The following ATP2C2 variants were observed in gnomAD, a reference collection of about 807,000 sequenced individuals.
The protein encoded by ATP2C2 is calcium-transporting ATPase type 2C member 2.
Under a neutral mutation model 110.8 loss-of-function variants are expected in ATP2C2, and 171 were observed. The observed-to-expected ratio is 1.54, with a 90% CI of 1.36 to 1.75. ATP2C2 has a LOEUF of 1.75. Among genes scored for constraint, ATP2C2 ranks in the 40% most tolerant of loss-of-function variants. The pLI, the probability that ATP2C2 is intolerant of heterozygous loss-of-function variation, is 0.00. For synonymous variants in ATP2C2, 804 were observed against 508.4 expected (o/e 1.58, Z -7.82); for missense variants, 1,963 against 1,235.0 (o/e 1.59, Z -8.84).
At chr16:84,445,984 C>G (rs1909712564) in intron 15 of ATP2C2, among the ~76,000 whole-genome samples, 1 of 152,212 alleles carries the variant, frequency 6.6e-6, no homozygotes. Flanking sequence ...GTTCTGGACG[C>G]AGGGCTGTCT....
chr16:84,399,595 A>G (rs1388801009), intron 2 of ATP2C2, among the ~76,000 whole-genome samples: 1 of 152,206 alleles, frequency 6.6e-6, no homozygotes, highest in African/African-American at 2.4e-5. Flanking sequence ...GTTGGGCACA[A>G]TATAATTGTT....
At chr16:84,436,006 G>A (rs1025099929) in intron 11 of ATP2C2, among the ~76,000 whole-genome samples, 4 of 152,260 alleles carry the variant, frequency 2.6e-5, no homozygotes, top group African/African-American at 9.6e-5. Flanking sequence ...GCACATGCCT[G>A]TAATTCCAGC....
intron 1 of ATP2C2, among the ~76,000 whole-genome samples, chr16:84,391,113 C>CAAAAAAAAAAAAAAA (rs567509863): frequency 2.7e-5 from 2 of 73,274 alleles, no homozygotes; most frequent in East Asian, 4.3e-4. Context: ...GACTCAGACT[C>CAAAAAAAAAAAAAAA]AAAAAAAAAA....
Position 84,415,540 on chromosome 16 carries a change from C to G in ATP2C2, c.573C>G (p.Val191=), listed in dbSNP as rs375031013. The G allele has an allele frequency of 6.2e-7, 1 of 1,614,148 alleles. No individual in the cohort carries two copies. Among genetic ancestry groups the G allele is most frequent in the South Asian group, 1.1e-5 (1 of 91,074 alleles). The part of the protein sequence containing the change: ...LLARELVPGD[V]VSLSIGDRIP... ...CTCGAGAACTGGTTCCTGGTGATGTCGTATCTCTCTCGATCGGAGACCGGA... is the reference window on the plus strand; with the variant it reads ...CTCGAGAACTGGTTCCTGGTGATGTGGTATCTCTCTCGATCGGAGACCGGA... Residue 191 remains valine, a synonymous_variant, in exon 7 of 27, where the codon GTC becomes GTG. Coordinates refer to ENST00000262429, the MANE Select transcript of ATP2C2 (RefSeq NM_014861.4).
chr16:84,422,383 C>T lies in ATP2C2; in HGVS notation c.625-7C>T, dbSNP rs757101778. 2.5e-6 allele frequency: 4 copies of T among 1,612,868 alleles called. No individual in the cohort carries two copies. The highest frequency in any genetic ancestry group is 2.7e-5 in the African/African-American group (2 of 74,816). On this transcript the variant is annotated splice_polypyrimidine_tract_variant and splice_region_variant and intron_variant, in intron 7 of 26. Transcript: ENST00000262429. The stretch of plus-strand genomic sequence containing the variant: ...GATTCCACAGCCTTTTCCCCTTGCT[C>T]TCCTAGGTCACGGACCTCTTGGTGG...
chr16:84,438,202 C>A (rs1292459262), intron 11 of ATP2C2, among the ~76,000 whole-genome samples: 1 of 152,206 alleles, frequency 6.6e-6, no homozygotes, highest in Non-Finnish European at 1.5e-5. Flanking sequence ...CAAGCCTGTA[C>A]AAAAGCAGAG....
intron 6 of ATP2C2, among the ~76,000 whole-genome samples, chr16:84,411,476 C>G (rs918995941): frequency 6.6e-6 from 1 of 152,186 alleles, no homozygotes; most frequent in Admixed American, 6.5e-5. Flanking sequence ...GAGTCTTGCT[C>G]TGTCGCCCAG....
At chr16:84,404,829 T>TTA in intron 2 of ATP2C2, 5 of 305,698 alleles carry the variant, frequency 1.6e-5, no homozygotes, top group South Asian at 2.8e-5. Context: ...TTTTTTTTTT[T>TTA]AAGAAGAAAA....
intron 1 of ATP2C2, among the ~76,000 whole-genome samples, chr16:84,380,855 G>A (rs1490706460): frequency 6.6e-6 from 1 of 152,140 alleles, no homozygotes; most frequent in Non-Finnish European, 1.5e-5. Context: ...ATTTTTATTA[G>A]CAATAATTAT....
At chr16:84,441,096 C>T (rs1909215358) in intron 14 of ATP2C2, 138 bp downstream of exon 14, 10 of 752,306 alleles carry the variant, frequency 1.3e-5, no homozygotes, top group Non-Finnish European at 2.0e-5. Flanking sequence ...GCTGGCACAG[C>T]ACTGAAAAAA....
intron 11 of ATP2C2, among the ~76,000 whole-genome samples, chr16:84,428,129 G>A (rs982577371): frequency 2.6e-5 from 4 of 152,266 alleles, no homozygotes; most frequent in African/African-American, 4.8e-5. Flanking sequence ...AGGCATCCCA[G>A]TGTGTGCTGG....
chr16:84,401,654 A>T (rs1012845462), intron 2 of ATP2C2, among the ~76,000 whole-genome samples: 1 of 152,080 alleles, frequency 6.6e-6, no homozygotes, highest in African/African-American at 2.4e-5. Flanking sequence ...GTATGGATTT[A>T]TATCTGGGTT....
intron 7 of ATP2C2, 107 bp from the exon 8 acceptor site, chr16:84,422,283 T>C: frequency 3.8e-6 from 5 of 1,323,890 alleles, no homozygotes; most frequent in Non-Finnish European, 4.2e-6. Context: ...AGGTTCACTG[T>C]GTTCTTGAGT....
chr16:84,440,988 A>C, intron 14 of ATP2C2, 30 bp downstream of exon 14: 1 of 1,546,284 alleles, frequency 6.5e-7, no homozygotes, highest in Non-Finnish European at 8.9e-7. Context: ...TGAGGGAAAT[A>C]GGCATTTACA....
intron 11 of ATP2C2, among the ~76,000 whole-genome samples, chr16:84,431,213 A>AGCGGT (rs1908248303): frequency 6.6e-6 from 1 of 152,186 alleles, no homozygotes; most frequent in African/African-American, 2.4e-5. Context: ...GGGAGGTAGA[A>AGCGGT]ACCAGCTGGG....
At chr16:84,458,477 C>G (rs1318031583) in intron 21 of ATP2C2, among the ~76,000 whole-genome samples, 1 of 99,224 alleles carries the variant, frequency 1.0e-5, no homozygotes, top group Non-Finnish European at 2.1e-5. Context: ...CACATGTACC[C>G]TAAAACTTAG....
intron 18 of ATP2C2, among the ~76,000 whole-genome samples, chr16:84,452,871 C>G (rs1056482109): frequency 9.2e-5 from 14 of 152,188 alleles, no homozygotes; most frequent in African/African-American, 3.4e-4. Context: ...GAATCAGAGC[C>G]GTGTCAGGTT....
intron 21 of ATP2C2, among the ~76,000 whole-genome samples, chr16:84,458,435 T>C (rs1033817386): frequency 6.9e-6 from 1 of 145,496 alleles, no homozygotes; most frequent in African/African-American, 2.6e-5. Context: ...GCATGGCACA[T>C]GTATACATAT....
chr16:84,383,813 C>T (rs1469306534), intron 1 of ATP2C2, among the ~76,000 whole-genome samples: 1 of 102,392 alleles, frequency 9.8e-6, no homozygotes, highest in East Asian at 3.1e-4. Context: ...TTTTTTGAGA[C>T]AGCGTCTTAC....
Sources: gnomAD v4.1 joint callset for allele counts (sites outside exome capture counted in the v4.1 genomes callset) on GRCh38, gnomAD v4.1.1 for gene constraint, MANE v1.5 for transcripts, NCBI Gene and HGNC (gene_info 2026-07-23, HGNC 2026-07-21) for gene names.